CAPN11: variants seen among roughly 807,000 people sequenced by gnomAD.
CAPN11 encodes calpain-11.
CAPN11 carries 108 observed loss-of-function variants against 105.3 expected under a neutral mutation model. That is an observed-to-expected ratio of 1.03 (90% CI 0.88 to 1.20). CAPN11 has a LOEUF of 1.20. Among genes scored for constraint, CAPN11 ranks in the 50% most tolerant of loss-of-function variants. The probability of loss-of-function intolerance (pLI) is 0.00; values close to 1 mark genes in which losing one functional copy is unlikely to be tolerated. For missense variants in CAPN11, 883 were observed against 924.8 expected (o/e 0.95, Z 0.59); for synonymous variants, 329 against 344.5 (o/e 0.96, Z 0.50).
chr6:44,162,368 GACACACAC>G (rs57009949), intron 1 of CAPN11, among the ~76,000 whole-genome samples: 4,833 of 138,722 alleles, frequency 0.035, 245 homozygotes, highest in African/African-American at 0.12. Flanking sequence ...TTTGAATAAA[GACACACAC>G]ACACACACAC....
intron 7 of CAPN11, among the ~76,000 whole-genome samples, chr6:44,175,551 G>A (rs926046572): frequency 2.6e-5 from 4 of 151,916 alleles, no homozygotes; most frequent in East Asian, 1.9e-4. Flanking sequence ...CGAGGTGGGC[G>A]GATCACCTGA....
intron 12 of CAPN11, among the ~76,000 whole-genome samples, chr6:44,178,750 T>TGAAAA: frequency 8.6e-6 from 1 of 116,066 alleles, no homozygotes; most frequent in African/African-American, 3.2e-5. Flanking sequence ...CTGTCTCGAT[T>TGAAAA]AAAAAAAAAA....
chr6:44,184,245 G>T lies in CAPN11; in HGVS notation c.*313G>T. On this transcript the variant is annotated 3_prime_UTR_variant, in exon 23 of 23. Transcript: ENST00000398776. ...TGCTTCCCCAGGGTCCCCCTGGCTG[G>T]GGAGGCCAAGAATAGGGAAGGGACT... 4.4e-6 allele frequency: 2 copies of T among 452,674 alleles called. No homozygotes were observed. The highest frequency in any genetic ancestry group is 2.9e-5 in the South Asian group (1 of 34,058). The allele number at this position is 452,674 out of a possible 1,614,324, so 28.0% of individuals were successfully genotyped here.
At chr6:44,176,405 T>A in intron 9 of CAPN11, 67 bp downstream of exon 9, 1 of 1,441,318 alleles carries the variant, frequency 6.9e-7, no homozygotes. Context: ...GTGGACCGAC[T>A]GGTGTCCCAT....
chr6:44,177,234 C>T lies in CAPN11; in HGVS notation c.1238-8C>T, dbSNP rs777414057. 19 of 1,569,598 alleles carry T rather than the reference C, an allele frequency of 1.2e-5. No individual in the cohort carries two copies. Among genetic ancestry groups the T allele is most frequent in the Admixed American group, 3.8e-5 (2 of 52,344 alleles). ...CCGTATAACCACGCTGACCCACTTCCGCCACAGGCACGTTCTGGACCAACC... is the reference window on the plus strand; with the variant it reads ...CCGTATAACCACGCTGACCCACTTCTGCCACAGGCACGTTCTGGACCAACC... On this transcript the variant is annotated splice_region_variant and splice_polypyrimidine_tract_variant and intron_variant, in intron 11 of 22. Transcript: ENST00000398776.
chr6:44,161,430 C>G (rs946630372), intron 1 of CAPN11, among the ~76,000 whole-genome samples: 10 of 152,206 alleles, frequency 6.6e-5, no homozygotes, highest in African/African-American at 1.9e-4. Context: ...GAACTCCTGA[C>G]TTCAGGTGAT....
At chr6:44,162,069 T>A in intron 1 of CAPN11, 1 of 364,490 alleles carries the variant, frequency 2.7e-6, no homozygotes, top group East Asian at 7.4e-5. Context: ...GCCCCAGTTA[T>A]GACAACCAAC....
chr6:44,183,749 T>C lies in CAPN11; in HGVS notation c.2179T>C (p.Leu727=). ...CCCCAAGAATACTGGCCATATTTGC[T>C]TGAGCCTGGAACAGGTACTTGGAGA... ...MDPKNTGHIC[L]SLEQWLQMTM... The change falls in exon 22 of 23, where the codon TTG becomes CTG. Residue 727 remains leucine, a synonymous_variant. Transcript: ENST00000398776. 6.2e-7 allele frequency: 1 copy of C among 1,613,884 alleles called. No individual in the cohort carries two copies. The highest frequency in any genetic ancestry group is 8.5e-7 in the Non-Finnish European group (1 of 1,179,842).
intron 7 of CAPN11, among the ~76,000 whole-genome samples, chr6:44,174,891 A>G (rs1319700880): frequency 2.0e-5 from 3 of 151,736 alleles, no homozygotes; most frequent in Admixed American, 1.3e-4. Context: ...AAGTGCTGGG[A>G]TTGCGGGTGT....
chr6:44,183,018 A>G lies in CAPN11; in HGVS notation c.2016A>G (p.Ala672=). The G allele has an allele frequency of 6.2e-7, 1 of 1,612,510 alleles. No homozygotes were observed. ...AGATGCGCCTGGTTATTGAGAAAGC[A>G]GGTGGCCAAGGGTCAGGAGTGGGCC... The part of the protein sequence containing the change: ...SYEMRLVIEK[A]GIKLNNKVMQ... The change falls in exon 20 of 23, where the codon GCA becomes GCG. Residue 672 remains alanine (A), a splice_region_variant and synonymous_variant. Coordinates refer to ENST00000398776, the MANE Select transcript of CAPN11 (RefSeq NM_007058.4).
rs1770679663 is a variant in CAPN11, at chr6:44,169,915, A to T, written c.349A>T (p.Asn117Tyr). 6.2e-7 allele frequency: 1 copy of T among 1,611,456 alleles called. No individual in the cohort carries two copies. Among genetic ancestry groups the T allele is most frequent in the Non-Finnish European group, 8.5e-7 (1 of 1,178,700 alleles). ...ISWQRPKDII[N>Y]NPLFIMDGIS... ...TATTCCTTCACTGCAGGATATCATA[A>T]ACAACCCTCTATTCATCATGGATGG... The change falls in exon 4 of 23, where the codon AAC (asparagine) becomes TAC (tyrosine). Residue 117 changes from asparagine (N) to tyrosine (Y), a missense_variant. Asn to Tyr is a moderately radical substitution (Grantham distance 143). Transcript: ENST00000398776.
In CAPN11 at chr6:44,176,830, C is replaced by A. The variant is rs1322359930; in HGVS notation, c.1077-8C>A. On this transcript the variant is annotated splice_polypyrimidine_tract_variant and splice_region_variant and intron_variant, in intron 10 of 22. Coordinates refer to ENST00000398776, the MANE Select transcript of CAPN11 (RefSeq NM_007058.4). The stretch of plus-strand genomic sequence containing the variant: ...CTGCTGACGGGCTCCACCCCCACCC[C>A]ACCACAGGATGTCCTACCAAGATTT... 6.2e-7 allele frequency: 1 copy of A among 1,613,550 alleles called. No homozygotes were observed. Among genetic ancestry groups the A allele is most frequent in the African/African-American group, 1.3e-5 (1 of 74,916 alleles).
At chr6:44,166,907 C>A in intron 2 of CAPN11, 78 bp downstream of exon 2, 1 of 975,776 alleles carries the variant, frequency 1.0e-6, no homozygotes, top group Non-Finnish European at 1.6e-6. Context: ...TTCCCCTGGG[C>A]CTGCTGGTGG....
rs532953602 is a variant in CAPN11 at position 44,164,778 on chromosome 6, A to G, written c.17-1980A>G. On this transcript the variant is annotated intron_variant, in intron 1 of 22. Coordinates refer to ENST00000398776, the MANE Select transcript of CAPN11 (RefSeq NM_007058.4). ...GTCGTGGGGCCAGATGGCAGGTGGA[A>G]GCCTGGTTTGGGTTTGTCATGCTAA... 4.6e-4 allele frequency among the ~76,000 whole-genome samples: 70 copies of G among 152,308 alleles called. 1 individual carries two copies. In the South Asian group the frequency reaches 9.6e-3, roughly 21 times the overall value.
chr6:44,182,980 T>C lies in CAPN11; in HGVS notation c.1978T>C (p.Leu660=). Residue 660 remains leucine, a synonymous_variant, in exon 20 of 23, where the codon TTG becomes CTG. Coordinates refer to ENST00000398776, the MANE Select transcript of CAPN11 (RefSeq NM_007058.4). ...RECDQDHSGT[L]NSYEMRLVIE... is the part of the protein sequence containing the mutation. Reference sequence around the variant, plus strand: ...GTGTGACCAGGACCATTCAGGCACCTTGAACTCCTATGAGATGCGCCTGGT... The same window carrying C: ...GTGTGACCAGGACCATTCAGGCACCCTGAACTCCTATGAGATGCGCCTGGT... 1.2e-6 allele frequency: 2 copies of C among 1,611,692 alleles called. No homozygotes were observed. The highest frequency in any genetic ancestry group is 2.2e-5 in the South Asian group (2 of 90,662).
At chr6:44,166,700 C>T (rs554714190) in intron 1 of CAPN11, 58 bp from the exon 2 acceptor site, 1 of 1,305,932 alleles carries the variant, frequency 7.7e-7, no homozygotes, top group Non-Finnish European at 1.1e-6. Context: ...CCCAGCTGGG[C>T]TCTGTTTAAC....
At chr6:44,166,723 C>G in intron 1 of CAPN11, 35 bp from the exon 2 acceptor site, 1 of 1,495,698 alleles carries the variant, frequency 6.7e-7, no homozygotes, top group South Asian at 1.2e-5. Flanking sequence ...TAGACCACAG[C>G]CTTCCTCCCC....
intron 1 of CAPN11, among the ~76,000 whole-genome samples, chr6:44,164,880 TTTTA>T (rs201502867): frequency 6.6e-6 from 1 of 151,772 alleles, no homozygotes; most frequent in Non-Finnish European, 1.5e-5. Context: ...TTATGTTATG[TTTTA>T]TTTATTTATT....
At chr6:44,168,345 C>T (rs1477493537) in intron 2 of CAPN11, among the ~76,000 whole-genome samples, 2 of 152,166 alleles carry the variant, frequency 1.3e-5, no homozygotes, top group Admixed American at 6.5e-5. Flanking sequence ...TCTCGGCTCA[C>T]TGCAACCTCT....
Sources: gnomAD v4.1 joint callset for allele counts (sites outside exome capture counted in the v4.1 genomes callset) on GRCh38, gnomAD v4.1.1 for gene constraint, MANE v1.5 for transcripts, NCBI Gene and HGNC (gene_info 2026-07-23, HGNC 2026-07-21) for gene names.